The following RNF126 variants were observed in gnomAD, a reference collection of about 807,000 sequenced individuals.
RNF126 encodes ring finger protein 126.
A neutral mutation model predicts 41.9 loss-of-function variants in RNF126; 20 were observed. The observed-to-expected ratio is 0.48, with a 90% CI of 0.34 to 0.69. The LOEUF (loss-of-function observed/expected upper bound fraction) is 0.69, where lower values mean the gene tolerates loss of function less well. Among genes scored for constraint, RNF126 ranks in the 30% least tolerant of loss-of-function variants. The pLI is 0.01. For synonymous variants in RNF126, 239 were observed against 202.9 expected (o/e 1.18, Z -1.51); for missense variants, 433 against 460.6 (o/e 0.94, Z 0.55).
intron 1 of RNF126, among the ~76,000 whole-genome samples, chr19:658,939 C>T (rs1483948105): frequency 2.0e-5 from 3 of 152,194 alleles, no homozygotes; most frequent in Non-Finnish European, 2.9e-5. Flanking sequence ...AATTCAGCAC[C>T]GGCATCTGCC....
intron 1 of RNF126, among the ~76,000 whole-genome samples, chr19:660,498 C>T (rs909419103): frequency 1.4e-4 from 22 of 152,230 alleles, no homozygotes; most frequent in South Asian, 4.1e-4. Context: ...CTGACTCAGC[C>T]GCCGGGCAAG....
intron 1 of RNF126, among the ~76,000 whole-genome samples, chr19:655,292 T>C (rs1279948856): frequency 6.7e-6 from 1 of 150,142 alleles, no homozygotes; most frequent in Non-Finnish European, 1.5e-5. Context: ...GTCCCACCAC[T>C]GCGCTAGCCT....
intron 4 of RNF126, 110 bp downstream of exon 4, chr19:651,501 G>A (rs1600631337): frequency 5.1e-6 from 6 of 1,169,606 alleles, no homozygotes; most frequent in South Asian, 2.2e-5. Flanking sequence ...CCTCTCCAGA[G>A]AGCCTATGGA....
chr19:657,035 G>A (rs1343794797), intron 1 of RNF126, among the ~76,000 whole-genome samples: 1 of 152,198 alleles, frequency 6.6e-6, no homozygotes, highest in Non-Finnish European at 1.5e-5. Context: ...GCACCACCCA[G>A]TGGACCTGGA....
chr19:653,192 C>T (rs921337862), intron 1 of RNF126, among the ~76,000 whole-genome samples: 3 of 151,994 alleles, frequency 2.0e-5, no homozygotes, highest in Admixed American at 6.5e-5. Flanking sequence ...CCGTGACGGG[C>T]GTCACCAGTG....
chr19:648,507 C>A lies in RNF126; in HGVS notation c.671-20G>T. 1 of 1,537,966 alleles carries A rather than the reference C, an allele frequency of 6.5e-7. No individual in the cohort carries two copies. The highest frequency in any genetic ancestry group is 8.8e-7 in the Non-Finnish European group (1 of 1,140,878). On this transcript the variant is annotated intron_variant, in intron 7 of 8. Coordinates refer to ENST00000292363, the MANE Select transcript of RNF126 (RefSeq NM_194460.3). The stretch of plus-strand genomic sequence containing the variant: ...CGGAGCCTGCGGGAGTGTGCAGCTG[C>A]GGTCACAGCGGGCGTGGGGGGCCTG...
chr19:647,935 A>C lies in RNF126; in HGVS notation c.*193T>G. 2 of 659,682 alleles carry C rather than the reference A, an allele frequency of 3.0e-6. No individual in the cohort carries two copies. The highest frequency in any genetic ancestry group is 5.2e-6 in the Non-Finnish European group (2 of 388,266). The allele number at this position is 659,682 out of a possible 1,614,324, so 40.9% of individuals were successfully genotyped here. On this transcript the variant is annotated 3_prime_UTR_variant, in exon 9 of 9. Transcript: ENST00000292363. ...GGAGGCTGGGGACGCCCCAGAGGGG[A>C]CCATGTGGCCCACGCCTTCCCAAGC...
chr19:654,328 C>T (rs1048554449), intron 1 of RNF126, among the ~76,000 whole-genome samples: 15 of 152,212 alleles, frequency 9.9e-5, no homozygotes, highest in Admixed American at 3.9e-4. Context: ...TTTCAGCCCA[C>T]GCCCCACGAA....
At chr19:652,112 G>A (rs1448893913) in intron 3 of RNF126, 121 bp downstream of exon 3, 1 of 914,902 alleles carries the variant, frequency 1.1e-6, no homozygotes, top group Non-Finnish European at 1.6e-6. Flanking sequence ...GCCCCTGGAG[G>A]GAAAAATTTC....
chr19:651,594 C>T lies in RNF126; in HGVS notation c.443+17G>A, dbSNP rs2030290409. 4.3e-6 allele frequency: 6 copies of T among 1,402,076 alleles called. No individual in the cohort carries two copies. Among genetic ancestry groups the T allele is most frequent in the Non-Finnish European group, 5.5e-6 (6 of 1,082,778 alleles). 86.9% of individuals were successfully genotyped at this position (1,402,076 alleles called of 1,614,324 possible). On this transcript the variant is annotated intron_variant, in intron 4 of 8. Transcript: ENST00000292363. Reference sequence around the variant, plus strand: ...CAAGGCGTGGGGCCCTCGCGGCCACCCCCGGGGCCCCCTCACCCTTCCAGC... The same window carrying T: ...CAAGGCGTGGGGCCCTCGCGGCCACTCCCGGGGCCCCCTCACCCTTCCAGC...
intron 1 of RNF126, among the ~76,000 whole-genome samples, chr19:661,889 G>A (rs2030819182): frequency 1.3e-5 from 2 of 152,140 alleles, no homozygotes; most frequent in South Asian, 4.1e-4. Context: ...CTGGCCAAGC[G>A]GCTCCCGACT....
At position 651,389 on chromosome 19, in the gene RNF126, T is replaced by A. The variant is rs371617069; in HGVS notation, c.443+222A>T. On this transcript the variant is annotated intron_variant, in intron 4 of 8. Coordinates refer to ENST00000292363, the MANE Select transcript of RNF126 (RefSeq NM_194460.3). ...GCACGTGGGCCTGGCAGGCACACGG[T>A]GCCCCACTCTGTGGTCAACCCACAC... 8.9e-5 allele frequency: 37 copies of A among 415,786 alleles called. No individual in the cohort carries two copies. The East Asian group carries it at 1.1e-3, about 12-fold the overall frequency. 25.8% of individuals were successfully genotyped at this position (415,786 alleles called of 1,614,324 possible). A position where few individuals can be genotyped will look rare whatever the true frequency, so the allele number is the denominator to read the frequency against.
intron 1 of RNF126, among the ~76,000 whole-genome samples, chr19:660,192 A>C (rs1415423920): frequency 6.6e-6 from 1 of 152,156 alleles, no homozygotes; most frequent in Non-Finnish European, 1.5e-5. Context: ...GGTGCCGGCC[A>C]CTCTGCACAC....
At chr19:649,268 G>C (rs59145335) in intron 6 of RNF126, 1 of 333,956 alleles carries the variant, frequency 3.0e-6, no homozygotes, top group Non-Finnish European at 5.4e-6. Flanking sequence ...GAATGGGGGG[G>C]CCGTGCTCCG....
intron 1 of RNF126, among the ~76,000 whole-genome samples, chr19:654,065 G>T (rs1213303712): frequency 1.3e-5 from 2 of 152,230 alleles, no homozygotes; most frequent in Non-Finnish European, 2.9e-5. Context: ...CTGACTCTGG[G>T]GAGAAGCGGG....
Position 659,634 on chromosome 19 carries a change from G to C in RNF126, c.75+3413C>G, listed in dbSNP as rs1391702918. Among the ~76,000 whole-genome samples the C allele has an allele frequency of 6.6e-6, 1 of 152,216 alleles. No homozygotes were observed. ...AGCTCCAGTCAGTGCCTCCTCAGCA[G>C]GCTCGAGTCTGGGTCTGCGCAGCCG... On this transcript the variant is annotated intron_variant, in intron 1 of 8. Coordinates refer to ENST00000292363, the MANE Select transcript of RNF126 (RefSeq NM_194460.3). The surrounding 1 kb of genome is among the most constrained non-coding windows in gnomAD (Gnocchi z 4.9).
chr19:651,672 G>T lies in RNF126; in HGVS notation c.382C>A (p.Arg128Ser). The T allele has an allele frequency of 6.4e-7, 1 of 1,563,412 alleles. No individual in the cohort carries two copies. The highest frequency in any genetic ancestry group is 2.4e-5 in the East Asian group (1 of 41,884). ...SRHRYGARQP[R>S]ARLTTRRATG... The stretch of plus-strand genomic sequence containing the variant: ...GCCCGCCGCGTGGTGAGGCGGGCGC[G>T]GGGCTGTCGGGCGCCGTACCGGTGC... Residue 128 changes from arginine (R) to serine (S), a missense_variant, in exon 4 of 9, where the codon CGC becomes AGC. Physicochemically the swap from Arg to Ser is moderately radical, Grantham distance 110 (BLOSUM62 -1). Coordinates refer to ENST00000292363, the MANE Select transcript of RNF126 (RefSeq NM_194460.3).
Position 648,022 on chromosome 19 carries a change from C to T in RNF126, c.*106G>A. 1.4e-5 allele frequency: 18 copies of T among 1,319,884 alleles called. No individual in the cohort carries two copies. The highest frequency in any genetic ancestry group is 3.0e-5 in the South Asian group (2 of 66,278). The allele number at this position is 1,319,884 out of a possible 1,614,324, so 81.8% of individuals were successfully genotyped here. On this transcript the variant is annotated 3_prime_UTR_variant, in exon 9 of 9. Transcript: ENST00000292363. ...GAACAGGCGGGACCTGCAGCGCTGACCAGCCAAGCGTGGCGCCGCCGGGGC... is the reference window on the plus strand; with the variant it reads ...GAACAGGCGGGACCTGCAGCGCTGATCAGCCAAGCGTGGCGCCGCCGGGGC...
rs779853295 is a variant in RNF126, at chr19:648,447, C to A, written c.711G>T (p.Ala237=). 1 of 1,590,668 alleles carries A rather than the reference C, an allele frequency of 6.3e-7. No homozygotes were observed. Among genetic ancestry groups the A allele is most frequent in the Admixed American group, 1.7e-5 (1 of 58,276 alleles). ...LECPVCKDDY[A]LGERVRQLPC... ...GCAGCTGCCGCACACGCTCACCCAGCGCGTAGTCGTCCTTGCACACAGGGC... is the reference window on the plus strand; with the variant it reads ...GCAGCTGCCGCACACGCTCACCCAGAGCGTAGTCGTCCTTGCACACAGGGC... The change falls in exon 8 of 9, where the codon GCG becomes GCT. Residue 237 remains alanine, a synonymous_variant. Transcript: ENST00000292363.
Sources: allele counts gnomAD v4.1 joint callset (sites outside exome capture counted in the v4.1 genomes callset), GRCh38; gene constraint gnomAD v4.1.1; non-coding constraint Gnocchi (gnomAD v3.1); transcripts MANE v1.5; gene names NCBI Gene and HGNC (gene_info 2026-07-23, HGNC 2026-07-21).